Variants in CLIP4 observed in about 807,000 individuals in gnomAD.
CLIP4 encodes the protein CAP-Gly domain containing linker protein family member 4, also known as CAP-Gly domain-containing linker protein 4.
Under a neutral mutation model 73.1 loss-of-function variants are expected in CLIP4, and 47 were observed. The observed-to-expected ratio is 0.64, with a 90% CI of 0.51 to 0.82. The LOEUF (loss-of-function observed/expected upper bound fraction) is 0.82, where lower values mean the gene tolerates loss of function less well. Ranked by LOEUF, CLIP4 falls within the 40% of genes least tolerant of loss-of-function variation. The pLI, the probability that CLIP4 is intolerant of heterozygous loss-of-function variation, is 0.00. For missense variants in CLIP4, 874 were observed against 852.9 expected (o/e 1.02, Z -0.31); for synonymous variants, 306 against 295.4 (o/e 1.04, Z -0.37).
intron 6 of CLIP4, 152 bp from the exon 7 acceptor site, chr2:29,143,557 A>G (rs965693344): frequency 1.6e-6 from 1 of 626,956 alleles, no homozygotes; most frequent in East Asian, 2.6e-5. Context: ...AGCACCTAGA[A>G]TGGTGTCTGC....
intron 14 of CLIP4, among the ~76,000 whole-genome samples, chr2:29,171,975 TCTTGA>T (rs982020590): frequency 2.0e-5 from 3 of 151,940 alleles, no homozygotes; most frequent in African/African-American, 7.2e-5. Flanking sequence ...GATTTTTATT[TCTTGA>T]CTTTATTCTG....
chr2:29,172,617 A>G (rs1443215106), intron 14 of CLIP4, among the ~76,000 whole-genome samples: 2 of 152,034 alleles, frequency 1.3e-5, no homozygotes, highest in Non-Finnish European at 2.9e-5. Context: ...GAGTTGATCA[A>G]TTCTTTACAA....
chr2:29,158,035 A>G (rs1354905976), intron 11 of CLIP4, among the ~76,000 whole-genome samples: 6 of 152,222 alleles, frequency 3.9e-5, no homozygotes, highest in African/African-American at 1.4e-4. Context: ...TATTCATGAC[A>G]GATTTCTAAA....
intron 8 of CLIP4, 57 bp downstream of exon 8, chr2:29,145,424 T>C: frequency 7.1e-7 from 1 of 1,401,860 alleles, no homozygotes. Context: ...CAAGTTTTAC[T>C]CTTTTACAGT....
intron 11 of CLIP4, among the ~76,000 whole-genome samples, chr2:29,159,587 C>T (rs1476006387): frequency 6.6e-6 from 1 of 150,832 alleles, no homozygotes. Context: ...TGGCTCATGC[C>T]TGTTATCTTA....
At chr2:29,148,205 G>A (rs900529579) in intron 8 of CLIP4, among the ~76,000 whole-genome samples, 42 of 152,216 alleles carry the variant, frequency 2.8e-4, no homozygotes, top group African/African-American at 9.9e-4. Flanking sequence ...TCACGGCTAA[G>A]CTACTTAAGG....
At chr2:29,168,856 T>A (rs549308302) in intron 14 of CLIP4, among the ~76,000 whole-genome samples, 1 of 152,182 alleles carries the variant, frequency 6.6e-6, no homozygotes, top group Non-Finnish European at 1.5e-5. Flanking sequence ...TTTCTTAAAA[T>A]TGAAATTATG....
intron 1 of CLIP4, among the ~76,000 whole-genome samples, chr2:29,107,625 CA>C (rs1454588931): frequency 2.0e-5 from 3 of 151,866 alleles, no homozygotes; most frequent in Middle Eastern, 3.2e-3. Context: ...CCACCTGCCT[CA>C]ACCTCCCAAA....
intron 7 of CLIP4, 55 bp downstream of exon 7, chr2:29,144,000 G>T (rs1665973669): frequency 1.5e-5 from 22 of 1,432,480 alleles, no homozygotes; most frequent in Non-Finnish European, 2.1e-5. Context: ...CATGACCTAT[G>T]TTCAAGGACA....
chr2:29,152,930 T>A, intron 9 of CLIP4, 102 bp downstream of exon 9: 2 of 1,286,452 alleles, frequency 1.6e-6, no homozygotes, highest in Non-Finnish European at 2.2e-6. Context: ...TAGCCAACTC[T>A]GAAACCTGAA....
chr2:29,178,092 G>C (rs1190193328), intron 15 of CLIP4, among the ~76,000 whole-genome samples: 1 of 152,014 alleles, frequency 6.6e-6, no homozygotes, highest in Non-Finnish European at 1.5e-5. Flanking sequence ...ATGCAAAAAG[G>C]TCATCTGTAA....
At chr2:29,146,804 A>G (rs1217705588) in intron 8 of CLIP4, among the ~76,000 whole-genome samples, 3 of 152,296 alleles carry the variant, frequency 2.0e-5, no homozygotes, top group African/African-American at 7.2e-5. Flanking sequence ...TAGGGATGAC[A>G]CTATCATAAG....
chr2:29,109,419 C>T (rs573096101), intron 1 of CLIP4, among the ~76,000 whole-genome samples: 2 of 152,212 alleles, frequency 1.3e-5, no homozygotes, highest in East Asian at 1.9e-4. Context: ...TCATGAGGTA[C>T]ACAGTGATGT....
At chr2:29,142,006 G>T (rs906212587) in intron 6 of CLIP4, among the ~76,000 whole-genome samples, 1 of 152,020 alleles carries the variant, frequency 6.6e-6, no homozygotes, top group Non-Finnish European at 1.5e-5. Context: ...CTTTTTCAGG[G>T]TTAATATAGA....
At chr2:29,110,033 G>A (rs1668343648) in intron 1 of CLIP4, among the ~76,000 whole-genome samples, 1 of 152,000 alleles carries the variant, frequency 6.6e-6, no homozygotes, top group African/African-American at 2.4e-5. Flanking sequence ...ATTCCAGCCT[G>A]GGTGACAGAA....
chr2:29,167,690 C>T (rs1667717066), intron 14 of CLIP4, 150 bp downstream of exon 14: 2 of 510,406 alleles, frequency 3.9e-6, no homozygotes, highest in Non-Finnish European at 6.6e-6. Flanking sequence ...GTTACCTGTC[C>T]CCTGGCTGAA....
At position 29,130,216 on chromosome 2, in the gene CLIP4, GTCT is replaced by G. The variant is rs1301037651; in HGVS notation, c.134-1035_134-1033del. Reference sequence around the variant, plus strand: ...TTACTGGCCTTGGGGCTTCACAGGGGTCTTCTTCTGATCCTGCTTCTGACATCA... The same window carrying G: ...TTACTGGCCTTGGGGCTTCACAGGGGTCTTCTGATCCTGCTTCTGACATCA... On this transcript the variant is annotated intron_variant, in intron 2 of 15. Coordinates refer to ENST00000320081, the MANE Select transcript of CLIP4 (RefSeq NM_024692.6). 3.3e-5 allele frequency among the ~76,000 whole-genome samples: 5 copies of G among 152,124 alleles called. No individual in the cohort carries two copies. The East Asian group carries it at 5.8e-4, about 18-fold the overall frequency.
At chr2:29,172,024 T>C (rs62132798) in intron 14 of CLIP4, among the ~76,000 whole-genome samples, 4 of 141,344 alleles carry the variant, frequency 2.8e-5, no homozygotes, top group Admixed American at 7.0e-5. Flanking sequence ...TTTTTTTTTT[T>C]CATTCTGTTT....
intron 15 of CLIP4, among the ~76,000 whole-genome samples, chr2:29,180,422 C>T (rs929010483): frequency 2.0e-5 from 3 of 152,050 alleles, no homozygotes; most frequent in Admixed American, 6.6e-5. Context: ...TGCTAGGAGA[C>T]GTTCTTGCAC....
Sources: gnomAD v4.1 joint callset for allele counts (sites outside exome capture counted in the v4.1 genomes callset) on GRCh38, gnomAD v4.1.1 for gene constraint, MANE v1.5 for transcripts, NCBI Gene and HGNC (gene_info 2026-07-23, HGNC 2026-07-21) for gene names.